The following WDR17 variants were observed in gnomAD, a reference collection of about 807,000 sequenced individuals.
The protein encoded by WDR17 is WD repeat domain 17, also known as WD repeat-containing protein 17.
Under a neutral mutation model 161.7 loss-of-function variants are expected in WDR17, and 143 were observed. That is an observed-to-expected ratio of 0.88 (90% CI 0.77 to 1.02). WDR17 has a LOEUF of 1.02. Ranked by LOEUF, WDR17 falls within the 50% of genes least tolerant of loss-of-function variation. The pLI, the probability that WDR17 is intolerant of heterozygous loss-of-function variation, is 0.00. For missense variants in WDR17, 1,469 were observed against 1,520.9 expected, an observed-to-expected ratio of 0.97 and a Z score of 0.57; for synonymous variants, 517 against 515.6, an observed-to-expected ratio of 1.00 and a Z score of -0.04.
chr4:176,152,458 C>A (rs1436477013), intron 17 of WDR17, among the ~76,000 whole-genome samples: 1 of 151,210 alleles, frequency 6.6e-6, no homozygotes, highest in Non-Finnish European at 1.5e-5. Context: ...AAAAACAAAA[C>A]TAGCCAGGCG....
chr4:176,151,597 G>A (rs1031264203), intron 16 of WDR17, among the ~76,000 whole-genome samples: 1 of 152,048 alleles, frequency 6.6e-6, no homozygotes, highest in African/African-American at 2.4e-5. Flanking sequence ...AGTTTATGGG[G>A]TATATGTGAT....
Position 176,135,916 on chromosome 4 carries a change from A to T in WDR17, c.1267+640A>T, listed in dbSNP as rs1744320045. ...TATTTGGCTTAATAGTAATATATTAATTCAATAACTACATGTAATGTGGAT... is the reference window on the plus strand; with the variant it reads ...TATTTGGCTTAATAGTAATATATTATTTCAATAACTACATGTAATGTGGAT... On this transcript the variant is annotated intron_variant, in intron 8 of 28. Coordinates refer to ENST00000508596, the MANE Select transcript of WDR17 (RefSeq NM_181265.4). Among the ~76,000 whole-genome samples the T allele has an allele frequency of 4.0e-5, 6 of 151,742 alleles. No homozygotes were observed. The South Asian group carries it at 1.2e-3, about 31-fold the overall frequency.
At chr4:176,098,175 CT>C in intron 1 of WDR17, 1 of 191,492 alleles carries the variant, frequency 5.2e-6, no homozygotes, top group Non-Finnish European at 1.1e-5. Context: ...CCTCCTGGTG[CT>C]TACCACAGGC....
At chr4:176,168,877 C>T in intron 23 of WDR17, 94 bp downstream of exon 23, 1 of 1,417,306 alleles carries the variant, frequency 7.1e-7, no homozygotes, top group Non-Finnish European at 9.5e-7. Context: ...TGCAGAGAAA[C>T]AAATGTGTGG....
intron 15 of WDR17, 127 bp downstream of exon 15, chr4:176,150,300 C>T (rs868834205): frequency 1.6e-5 from 23 of 1,463,248 alleles, no homozygotes; most frequent in Middle Eastern, 5.0e-4. Flanking sequence ...ATAATCTGTG[C>T]ACTATAAGAA....
intron 1 of WDR17, among the ~76,000 whole-genome samples, chr4:176,089,371 G>C (rs73018027): frequency 0.043 from 6,477 of 152,090 alleles, 178 homozygotes; most frequent in East Asian, 0.13. Context: ...TTTGACTTTT[G>C]ATTATCATAG....
At chr4:176,105,486 A>C (rs942042177) in intron 1 of WDR17, among the ~76,000 whole-genome samples, 2 of 152,132 alleles carry the variant, frequency 1.3e-5, no homozygotes, top group African/African-American at 4.8e-5. Context: ...AAGCCTCAAT[A>C]GATTTTAAAA....
At chr4:176,127,040 T>C (rs1284351442) in intron 5 of WDR17, among the ~76,000 whole-genome samples, 10 of 152,128 alleles carry the variant, frequency 6.6e-5, no homozygotes, top group Non-Finnish European at 1.2e-4. Flanking sequence ...TTTATAGCAG[T>C]GTGAGAACAG....
At position 176,140,837 on chromosome 4, in the gene WDR17, A is replaced by G. The variant is rs116672214; in HGVS notation, c.1442+863A>G. Among the ~76,000 whole-genome samples the G allele has an allele frequency of 6.1e-3, 936 of 152,258 alleles. 11 individuals carry two copies. The highest frequency in any genetic ancestry group is 0.022 in the African/African-American group (901 of 41,538). ...GATTTTTTTTTCCTTGAAAGGAACTATGTGCTAATTGATAGATACCAAAAT... is the reference window on the plus strand; with the variant it reads ...GATTTTTTTTTCCTTGAAAGGAACTGTGTGCTAATTGATAGATACCAAAAT... On this transcript the variant is annotated intron_variant, in intron 10 of 28. Coordinates refer to ENST00000508596, the MANE Select transcript of WDR17 (RefSeq NM_181265.4).
Position 176,156,157 on chromosome 4 carries a change from A to C in WDR17, c.2525+14A>C. 1 of 1,610,702 alleles carries C rather than the reference A, an allele frequency of 6.2e-7. No individual in the cohort carries two copies. Among genetic ancestry groups the C allele is most frequent in the Middle Eastern group, 1.7e-4 (1 of 6,056 alleles). On this transcript the variant is annotated intron_variant, in intron 18 of 28. Coordinates refer to ENST00000508596, the MANE Select transcript of WDR17 (RefSeq NM_181265.4). Reference sequence around the variant, plus strand: ...GTTAATGCAGAGGTAAGGCAGAGAGAGTCCGTGTTAAAACAGATGTTTTAA... The same window carrying C: ...GTTAATGCAGAGGTAAGGCAGAGAGCGTCCGTGTTAAAACAGATGTTTTAA...
chr4:176,145,157 T>A (rs1745965960), intron 11 of WDR17, among the ~76,000 whole-genome samples: 1 of 152,196 alleles, frequency 6.6e-6, no homozygotes, highest in South Asian at 2.1e-4. Context: ...TTCTTTATGT[T>A]TAGCATGTGG....
rs747142547 is a variant in WDR17, at chr4:176,125,231, T to G, written c.666T>G (p.Tyr222Ter). Residue 222 changes from tyrosine (Y) to a stop codon, truncating the protein, a stop_gained, in exon 5 of 29, where the codon TAT becomes TAG. Coordinates refer to ENST00000508596, the MANE Select transcript of WDR17 (RefSeq NM_181265.4). LOFTEE classifies it high-confidence loss of function. Reference sequence around the variant, plus strand: ...ATCTTCTAGTGGTTAATTTGCATTATGGAATTCGCCTGGTAGATTCTGAAT... The same window carrying G: ...ATCTTCTAGTGGTTAATTTGCATTAGGGAATTCGCCTGGTAGATTCTGAAT... ...TDYLLVVNLH[Y>*]GIRLVDSESL... 3.8e-5 allele frequency: 61 copies of G among 1,614,080 alleles called. No homozygotes were observed. Among genetic ancestry groups the G allele is most frequent in the Non-Finnish European group, 5.1e-5 (60 of 1,180,030 alleles).
rs70962454 is a variant in WDR17, at chr4:176,181,192, TA to T, written c.*1625del. 74,011 of 149,472 alleles carry T rather than the reference TA, an allele frequency of 0.5. 18,650 individuals are homozygous for T. Among genetic ancestry groups the T allele is most frequent in the Admixed American group, 0.61 (9,176 of 15,006 alleles). 9.3% of individuals were successfully genotyped at this position (149,472 alleles called of 1,614,324 possible). On this transcript the variant is annotated 3_prime_UTR_variant, in exon 29 of 29. Coordinates refer to ENST00000508596, the MANE Select transcript of WDR17 (RefSeq NM_181265.4). ...ATTACAGGCTTAAATTCCATTTTAT[TA>T]AAAAAAAAAAATTGCCTGTAATCCC...
At chr4:176,077,412 G>GC (rs1734195248) in intron 1 of WDR17, among the ~76,000 whole-genome samples, 2 of 37,204 alleles carry the variant, frequency 5.4e-5, no homozygotes, top group East Asian at 2.1e-3. Context: ...CTGGGAGAAA[G>GC]CTTCTAAAAT....
In WDR17 at chr4:176,174,653, T is replaced by C; in HGVS notation, c.3384T>C (p.Ile1128=). The change falls in exon 26 of 29, where the codon ATT becomes ATC. Residue 1128 remains isoleucine (I), a synonymous_variant. Transcript: ENST00000508596. ...AGTTGCTGATATTATGTGGTTACAT[T>C]GGTGCATTACTGGCTATCAGAAGAC... ...RNELLILCGY[I]GALLAIRRQY... 1 of 1,612,292 alleles carries C rather than the reference T, an allele frequency of 6.2e-7. No individual in the cohort carries two copies. The highest frequency in any genetic ancestry group is 8.5e-7 in the Non-Finnish European group (1 of 1,178,876).
intron 4 of WDR17, among the ~76,000 whole-genome samples, chr4:176,120,671 T>G (rs938581752): frequency 5.9e-5 from 9 of 151,814 alleles, no homozygotes; most frequent in African/African-American, 2.2e-4. Context: ...AATCAAAAAT[T>G]ACCTGAATTG....
intron 23 of WDR17, 45 bp from the exon 24 acceptor site, chr4:176,172,330 C>T (rs753971581): frequency 1.9e-6 from 3 of 1,563,858 alleles, no homozygotes; most frequent in East Asian, 2.3e-5. Flanking sequence ...TGCTTTTATC[C>T]GTTTGAATTT....
rs115186673 is a variant in WDR17 at position 176,066,246 on chromosome 4, A to G, written c.-7+167A>G. 8.6e-3 allele frequency among the ~76,000 whole-genome samples: 1,306 copies of G among 152,280 alleles called. 12 individuals are homozygous for G. Among genetic ancestry groups the G allele is most frequent in the African/African-American group, 0.029 (1,208 of 41,562 alleles). ...TTTGCACACCATGGTGCCTGATGAGATAATCAACTGAGTTTTAGAGCCACA... is the reference window on the plus strand; with the variant it reads ...TTTGCACACCATGGTGCCTGATGAGGTAATCAACTGAGTTTTAGAGCCACA... On this transcript the variant is annotated intron_variant, in intron 1 of 28. Transcript: ENST00000508596.
At position 176,149,751 on chromosome 4, in the gene WDR17, A is replaced by G. The variant is rs1746803551; in HGVS notation, c.1898-56A>G. 1.7e-5 allele frequency: 27 copies of G among 1,592,026 alleles called. No homozygotes were observed. In the South Asian group the frequency reaches 2.8e-4, roughly 16 times the overall value. On this transcript the variant is annotated intron_variant, in intron 13 of 28. Transcript: ENST00000508596. Reference sequence around the variant, plus strand: ...TAGAAGTTTTATGAAGCACATATAAATAAAAAATATTTTTCAATGTTCACT... The same window carrying G: ...TAGAAGTTTTATGAAGCACATATAAGTAAAAAATATTTTTCAATGTTCACT...
Sources: gnomAD v4.1 joint callset for allele counts (sites outside exome capture counted in the v4.1 genomes callset) on GRCh38, gnomAD v4.1.1 for gene constraint, MANE v1.5 for transcripts, NCBI Gene and HGNC (gene_info 2026-07-23, HGNC 2026-07-21) for gene names.